Variants in GRIK2 observed in about 807,000 individuals in gnomAD.
GRIK2 encodes the protein glutamate ionotropic receptor kainate type subunit 2, also known as glutamate receptor ionotropic, kainate 2.
GRIK2 carries 32 observed loss-of-function variants against 100.3 expected under a neutral mutation model. The ratio of observed to expected loss-of-function variants is 0.32; its 90% CI spans 0.24 to 0.43. The LOEUF is 0.43. GRIK2 is among the 20% of genes least tolerant of loss of function. GRIK2 has a pLI of 1.00. For missense variants in GRIK2, 843 were observed against 1,114.9 expected (o/e 0.76, Z 3.47); for synonymous variants, 417 against 389.4 (o/e 1.07, Z -0.83).
chr6:101,538,903 C>G (rs1775854785), intron 2 of GRIK2, among the ~76,000 whole-genome samples: 1 of 151,422 alleles, frequency 6.6e-6, no homozygotes, highest in African/African-American at 2.4e-5. Context: ...GAATTCCAAC[C>G]AAATTTTATG....
chr6:101,995,780 A>G (rs112090750), intron 14 of GRIK2, among the ~76,000 whole-genome samples: 36 of 151,996 alleles, frequency 2.4e-4, no homozygotes, highest in African/African-American at 8.7e-4. Context: ...TGTATCTGAC[A>G]ATCCTATTAT....
chr6:101,773,478 CA>C (rs10635667), intron 7 of GRIK2, among the ~76,000 whole-genome samples: 8,117 of 88,800 alleles, frequency 0.091, 277 homozygotes, highest in African/African-American at 0.14. Context: ...GACTTTGTCT[CA>C]AAAAAAAAAA....
chr6:101,860,260 C>T (rs974827671), intron 11 of GRIK2, among the ~76,000 whole-genome samples: 6 of 152,034 alleles, frequency 3.9e-5, no homozygotes, highest in South Asian at 2.1e-4. Context: ...GCAGCATGCA[C>T]GGTGGCCATT....
chr6:101,431,797 T>C (rs1240163460), intron 2 of GRIK2, among the ~76,000 whole-genome samples: 1 of 152,156 alleles, frequency 6.6e-6, no homozygotes, highest in Admixed American at 6.5e-5. Flanking sequence ...AGGGGAGACA[T>C]TTCCAACACT....
At chr6:101,641,514 G>A (rs559301465) in intron 4 of GRIK2, among the ~76,000 whole-genome samples, 19 of 151,888 alleles carry the variant, frequency 1.3e-4, no homozygotes, top group African/African-American at 2.7e-4. Context: ...TTGAGAGACC[G>A]AAAATTACAA....
At chr6:101,493,326 T>C (rs576590571) in intron 2 of GRIK2, among the ~76,000 whole-genome samples, 3 of 152,006 alleles carry the variant, frequency 2.0e-5, no homozygotes, top group Non-Finnish European at 2.9e-5. Context: ...AACTGCACGG[T>C]ATCAAGAAGT....
intron 2 of GRIK2, among the ~76,000 whole-genome samples, chr6:101,450,490 A>T (rs1770615561): frequency 6.6e-6 from 1 of 151,736 alleles, no homozygotes; most frequent in South Asian, 2.1e-4. Context: ...CAAGGATGTG[A>T]TTCTGTACCA....
chr6:101,705,971 A>G (rs1318619832), intron 7 of GRIK2, among the ~76,000 whole-genome samples: 2 of 151,942 alleles, frequency 1.3e-5, no homozygotes, highest in East Asian at 3.9e-4. Context: ...TGTATTAAAT[A>G]TTTTGTCCTT....
intron 7 of GRIK2, among the ~76,000 whole-genome samples, chr6:101,725,898 A>T (rs1774829700): frequency 6.6e-6 from 1 of 151,964 alleles, no homozygotes; most frequent in South Asian, 2.1e-4. Context: ...TAAAGAAGGG[A>T]ATTTTTCTTT....
At chr6:101,793,866 G>A (rs1313719084) in intron 7 of GRIK2, among the ~76,000 whole-genome samples, 1 of 152,202 alleles carries the variant, frequency 6.6e-6, no homozygotes, top group Non-Finnish European at 1.5e-5. Flanking sequence ...GCTCCACCCA[G>A]TTCAAGCTTC....
intron 14 of GRIK2, among the ~76,000 whole-genome samples, chr6:101,961,733 C>T (rs776837454): frequency 2.6e-5 from 4 of 152,068 alleles, no homozygotes; most frequent in Non-Finnish European, 4.4e-5. Context: ...CTCCCTTCCC[C>T]TAGGGAGAGC....
At chr6:101,906,374 G>GTGTGTGTGTGTT (rs1554283807) in intron 12 of GRIK2, among the ~76,000 whole-genome samples, 1 of 150,992 alleles carries the variant, frequency 6.6e-6, no homozygotes, top group Non-Finnish European at 1.5e-5. Flanking sequence ...ATCTGTGTGT[G>GTGTGTGTGTGTT]TGTGTGTGTG....
At chr6:101,397,129 G>C (rs1775040185) in intron 1 of GRIK2, among the ~76,000 whole-genome samples, 2 of 152,068 alleles carry the variant, frequency 1.3e-5, no homozygotes, top group South Asian at 4.1e-4. Context: ...GTTTTCTCAG[G>C]TTCCAATAAA....
At chr6:101,989,975 C>T (rs1794267813) in intron 14 of GRIK2, among the ~76,000 whole-genome samples, 1 of 151,532 alleles carries the variant, frequency 6.6e-6, no homozygotes, top group Non-Finnish European at 1.5e-5. Context: ...CTTCATCAAT[C>T]ATTAGAGGAA....
In GRIK2 at chr6:101,985,060, C is replaced by T. The variant is rs139255597; in HGVS notation, c.2086-50281C>T. Among the ~76,000 whole-genome samples the T allele has an allele frequency of 5.7e-3, 861 of 151,714 alleles. 9 individuals carry two copies. Among genetic ancestry groups the T allele is most frequent in the African/African-American group, 0.02 (822 of 41,464 alleles). On this transcript the variant is annotated intron_variant, in intron 14 of 16. Coordinates refer to ENST00000369134, the MANE Select transcript of GRIK2 (RefSeq NM_021956.5). ...GGAAAACTTATTGCTATAAATTAGA[C>T]ATAACTAACCTCGGTTAATAGAGAA...
intron 4 of GRIK2, among the ~76,000 whole-genome samples, chr6:101,662,843 C>T (rs1293953562): frequency 6.6e-6 from 1 of 151,980 alleles, no homozygotes; most frequent in African/African-American, 2.4e-5. Flanking sequence ...GAACATATAC[C>T]ATTTATATTT....
intron 2 of GRIK2, among the ~76,000 whole-genome samples, chr6:101,508,124 G>C (rs902594307): frequency 6.6e-6 from 1 of 151,174 alleles, no homozygotes; most frequent in Non-Finnish European, 1.5e-5. Context: ...AAGTAATCCT[G>C]TTTTAAAGAT....
intron 12 of GRIK2, among the ~76,000 whole-genome samples, chr6:101,920,747 AG>A (rs1382995365): frequency 2.0e-5 from 3 of 149,986 alleles, no homozygotes; most frequent in African/African-American, 7.3e-5. Flanking sequence ...TTTTTTGGAA[AG>A]GGGGGTCAGA....
At chr6:101,840,349 A>T (rs1783414179) in intron 10 of GRIK2, among the ~76,000 whole-genome samples, 1 of 152,224 alleles carries the variant, frequency 6.6e-6, no homozygotes, top group African/African-American at 2.4e-5. Flanking sequence ...CCTGATACTT[A>T]TCGGATTCCC....
Sources: gnomAD v4.1 joint callset for allele counts (sites outside exome capture counted in the v4.1 genomes callset) on GRCh38, gnomAD v4.1.1 for gene constraint, MANE v1.5 for transcripts, NCBI Gene and HGNC (gene_info 2026-07-23, HGNC 2026-07-21) for gene names.